Variants in PUDP observed in about 807,000 individuals in gnomAD.
PUDP encodes pseudouridine-5'-phosphatase.
Under a neutral mutation model 9.4 loss-of-function variants are expected in PUDP, and 8 were observed. The ratio of observed to expected loss-of-function variants is 0.85; its 90% CI spans 0.50 to 1.53. The LOEUF (loss-of-function observed/expected upper bound fraction) is 1.53, where lower values mean the gene tolerates loss of function less well. Ranked by LOEUF, PUDP falls within the 40% of genes most tolerant of loss-of-function variation. The pLI is 0.00. For missense variants in PUDP, 188 were observed against 189.7 expected, an observed-to-expected ratio of 0.99 and a Z score of 0.05; for synonymous variants, 99 against 80.7, an observed-to-expected ratio of 1.23 and a Z score of -1.22.
intron 3 of PUDP, among the ~76,000 whole-genome samples, chrX:6,940,981 G>C (rs1043244720): frequency 8.9e-6 from 1 of 111,995 alleles, no homozygotes; most frequent in African/African-American, 3.2e-5. Flanking sequence ...TTATGACAAG[G>C]CCAAGCCCAA....
At chrX:7,057,484 AG>A (rs1930275445) in intron 3 of PUDP, 1 of 445,707 alleles carries the variant, frequency 2.2e-6, no homozygotes, top group African/African-American at 2.5e-5. Flanking sequence ...ATGGGATTAG[AG>A]GAAAAACTGA....
At chrX:6,739,582 G>C (rs986967112) in intron 3 of PUDP, among the ~76,000 whole-genome samples, 5 of 111,750 alleles carry the variant, frequency 4.5e-5, no homozygotes, top group African/African-American at 1.6e-4. Context: ...ATCCTACAAA[G>C]TATAGGACTG....
chrX:7,137,554 AACAC>A (rs1309034085), intron 1 of PUDP, among the ~76,000 whole-genome samples: 2 of 111,763 alleles, frequency 1.8e-5, no homozygotes, highest in African/African-American at 6.5e-5. Context: ...CTCAAAAACA[AACAC>A]ACAAACAAAC....
intron 2 of PUDP, among the ~76,000 whole-genome samples, chrX:7,084,479 G>A (rs1311636351): frequency 2.7e-5 from 3 of 111,705 alleles, no homozygotes; most frequent in African/African-American, 9.8e-5. Flanking sequence ...ATAGTGGGAA[G>A]GTGAGCTAGT....
At chrX:6,963,766 G>T (rs1182245284) in intron 3 of PUDP, among the ~76,000 whole-genome samples, 1 of 112,032 alleles carries the variant, frequency 8.9e-6, no homozygotes, top group Admixed American at 9.5e-5. Flanking sequence ...GACGTCAGAA[G>T]TGATTTTCCA....
intron 1 of PUDP, among the ~76,000 whole-genome samples, chrX:6,714,753 T>C (rs1221747907): frequency 9.0e-6 from 1 of 111,607 alleles, no homozygotes; most frequent in East Asian, 2.8e-4. Flanking sequence ...TAGATGTATA[T>C]ATATAGATAA....
intron 3 of PUDP, among the ~76,000 whole-genome samples, chrX:6,909,463 T>A (rs1159755751): frequency 8.9e-6 from 1 of 111,937 alleles, no homozygotes; most frequent in Non-Finnish European, 1.9e-5. Flanking sequence ...TTTTTCTTCA[T>A]TAGTCTAAAG....
intron 3 of PUDP, among the ~76,000 whole-genome samples, chrX:6,942,154 A>G (rs1456485465): frequency 1.8e-5 from 2 of 111,834 alleles, no homozygotes; most frequent in Non-Finnish European, 3.8e-5. Context: ...ATTCACCACT[A>G]CACAATATAC....
intron 3 of PUDP, among the ~76,000 whole-genome samples, chrX:6,852,672 T>C (rs1055928547): frequency 2.2e-4 from 25 of 112,340 alleles, no homozygotes; most frequent in Middle Eastern, 9.2e-3. Flanking sequence ...TAGACTAATA[T>C]CTTTAATATT....
intron 1 of PUDP, among the ~76,000 whole-genome samples, chrX:7,001,615 T>C (rs983941861): frequency 7.6e-4 from 85 of 111,648 alleles, no homozygotes; most frequent in African/African-American, 2.6e-3. Context: ...ATTTGGGTCA[T>C]GAACAGACGC....
intron 3 of PUDP, among the ~76,000 whole-genome samples, chrX:6,958,252 G>A (rs193138401): frequency 2.2e-4 from 25 of 111,759 alleles, no homozygotes; most frequent in Admixed American, 1.2e-3. Flanking sequence ...AAAGGAAGGC[G>A]GAAGTAACTT....
intron 1 of PUDP, among the ~76,000 whole-genome samples, chrX:7,012,243 G>A (rs751006357): frequency 8.9e-6 from 1 of 112,057 alleles, no homozygotes; most frequent in Non-Finnish European, 1.9e-5. Flanking sequence ...GTGTTTTGAT[G>A]CCAGCCCAGT....
chrX:7,022,730 A>G (rs1050298007), intron 1 of PUDP, among the ~76,000 whole-genome samples: 3 of 112,118 alleles, frequency 2.7e-5, no homozygotes, highest in African/African-American at 6.5e-5. Flanking sequence ...TGTTTCTGGA[A>G]CATTACATAT....
intron 3 of PUDP, among the ~76,000 whole-genome samples, chrX:6,744,183 T>A (rs1924971546): frequency 8.9e-6 from 1 of 112,132 alleles, no homozygotes; most frequent in African/African-American, 3.3e-5. Context: ...CTGTGCCCCT[T>A]AAAACATTCC....
At chrX:6,796,097 C>T (rs978890114) in intron 3 of PUDP, among the ~76,000 whole-genome samples, 1 of 111,952 alleles carries the variant, frequency 8.9e-6, no homozygotes, top group Non-Finnish European at 1.9e-5. Flanking sequence ...CCGACCATAA[C>T]CTCCCTGAAA....
At chrX:6,881,926 T>C (rs1927352210) in intron 3 of PUDP, among the ~76,000 whole-genome samples, 1 of 110,554 alleles carries the variant, frequency 9.0e-6, no homozygotes, top group Non-Finnish European at 1.9e-5. Flanking sequence ...GACTATGTAA[T>C]GGGGTGATCT....
intron 1 of PUDP, among the ~76,000 whole-genome samples, chrX:7,147,461 G>A (rs1932890756): frequency 9.0e-6 from 1 of 111,606 alleles, no homozygotes; most frequent in South Asian, 3.7e-4. Flanking sequence ...ATCACTCCTC[G>A]CCAGCTGTGA....
chrX:7,032,852 T>TA (rs1029887365), intron 1 of PUDP, among the ~76,000 whole-genome samples: 4 of 112,082 alleles, frequency 3.6e-5, no homozygotes, highest in African/African-American at 1.3e-4. Flanking sequence ...AATAAAATTT[T>TA]AAAAAAACCA....
intron 3 of PUDP, among the ~76,000 whole-genome samples, chrX:6,954,357 C>A (rs927484921): frequency 9.0e-6 from 1 of 110,967 alleles, no homozygotes; most frequent in African/African-American, 3.3e-5. Flanking sequence ...ACTTTCCAGT[C>A]CTGATTGACA....
Sources: allele counts gnomAD v4.1 joint callset (sites outside exome capture counted in the v4.1 genomes callset), GRCh38; gene constraint gnomAD v4.1.1; transcripts MANE v1.5; gene names NCBI Gene and HGNC (gene_info 2026-07-23, HGNC 2026-07-21).